MACROH2A1: variants seen among roughly 807,000 people sequenced by gnomAD.
MACROH2A1 encodes macroH2A.1 histone.
Under a neutral mutation model 31.6 loss-of-function variants are expected in MACROH2A1, and 2 were observed. The ratio of observed to expected loss-of-function variants is 0.06; its 90% CI spans 0.03 to 0.20. The LOEUF is 0.20. MACROH2A1 is among the 10% of genes least tolerant of loss of function. MACROH2A1 has a pLI of 1.00. For synonymous variants in MACROH2A1, 169 were observed against 189.6 expected (o/e 0.89, Z 0.89); for missense variants, 230 against 474.0 (o/e 0.49, Z 4.78).
intron 8 of MACROH2A1, among the ~76,000 whole-genome samples, chr5:135,342,257 T>G (rs1760020835): frequency 6.6e-6 from 1 of 152,236 alleles, no homozygotes; most frequent in South Asian, 2.1e-4. Context: ...GAAAGCACTC[T>G]GCCTTCTAAG....
rs770954503 is a variant in MACROH2A1, at chr5:135,389,006, G to T, written c.88C>A (p.Arg30=). Residue 30 remains arginine, a synonymous_variant, in exon 2 of 9, where the codon CGG becomes AGG. Coordinates refer to ENST00000511689, the MANE Select transcript of MACROH2A1 (RefSeq NM_138610.3). ...TTGGGGTGGCCTTTCTTGATGTACC[G>T]CAGCATCCGCCCCACGGGAAAGATG... ...GVIFPVGRML[R]YIKKGHPKYR... The T allele has an allele frequency of 6.2e-7, 1 of 1,613,740 alleles. No homozygotes were observed. The highest frequency in any genetic ancestry group is 1.7e-5 in the Admixed American group (1 of 60,012).
intron 7 of MACROH2A1, 31 bp downstream of exon 7, chr5:135,345,937 C>A: frequency 8.3e-6 from 12 of 1,450,970 alleles, no homozygotes; most frequent in Non-Finnish European, 1.2e-5. Flanking sequence ...TGTGTCACAA[C>A]CAGATAAGCA....
chr5:135,345,890 C>G, intron 7 of MACROH2A1, 78 bp downstream of exon 7: 1 of 937,088 alleles, frequency 1.1e-6, no homozygotes, highest in Non-Finnish European at 1.8e-6. Flanking sequence ...CCTCTGAATT[C>G]TAAGCCCTCT....
intron 2 of MACROH2A1, among the ~76,000 whole-genome samples, chr5:135,380,047 T>C (rs1293702100): frequency 6.6e-6 from 1 of 152,190 alleles, no homozygotes; most frequent in African/African-American, 2.4e-5. Flanking sequence ...CATGTTTCAT[T>C]TAAAAATCCA....
At position 135,334,863 on chromosome 5, in the gene MACROH2A1, G is replaced by A. The variant is rs1056661069; in HGVS notation, c.*113C>T. 1.1e-6 allele frequency: 1 copy of A among 890,422 alleles called. No individual in the cohort carries two copies. The highest frequency in any genetic ancestry group is 1.8e-6 in the Non-Finnish European group (1 of 567,296). 55.2% of individuals were successfully genotyped at this position (890,422 alleles called of 1,614,324 possible). ...CCAAAGCCTTATTTTCCCTAGATGA[G>A]CAAAACTGAAAATGAAAGGGGTCCC... On this transcript the variant is annotated 3_prime_UTR_variant, in exon 9 of 9. Transcript: ENST00000511689.
intron 6 of MACROH2A1, among the ~76,000 whole-genome samples, chr5:135,349,633 C>T (rs1474552992): frequency 2.6e-5 from 4 of 152,096 alleles, no homozygotes; most frequent in Admixed American, 2.0e-4. Context: ...GCATCCAGGA[C>T]GCTTGTGAAA....
chr5:135,369,926 A>G lies in MACROH2A1; in HGVS notation c.279+110T>C. 1 of 709,336 alleles carries G rather than the reference A, an allele frequency of 1.4e-6. No individual in the cohort carries two copies. Among genetic ancestry groups the G allele is most frequent in the East Asian group, 2.7e-5 (1 of 36,944 alleles). 43.9% of individuals were successfully genotyped at this position (709,336 alleles called of 1,614,324 possible). ...CAGAGAAGCTGCTAATTAATCCAAAAGGCAGTCCACACCTTTCATAACCAG... is the reference window on the plus strand; with the variant it reads ...CAGAGAAGCTGCTAATTAATCCAAAGGGCAGTCCACACCTTTCATAACCAG... On this transcript the variant is annotated intron_variant, in intron 3 of 8. Transcript: ENST00000511689. The surrounding 1 kb of genome is among the most constrained non-coding windows in gnomAD (Gnocchi z 4.3).
At chr5:135,337,069 GA>G (rs1247192909) in intron 8 of MACROH2A1, among the ~76,000 whole-genome samples, 2 of 152,222 alleles carry the variant, frequency 1.3e-5, no homozygotes, top group Non-Finnish European at 2.9e-5. Context: ...TTTTGCATGT[GA>G]ATCCCAAGAC....
rs200568775 is a variant in MACROH2A1 at position 135,350,963 on chromosome 5, G to A, written c.688+1983C>T. 1.8e-4 allele frequency: 218 copies of A among 1,233,236 alleles called. No homozygotes were observed. In the African/African-American group the frequency reaches 2.8e-3, roughly 16 times the overall value. 76.4% of individuals were successfully genotyped at this position (1,233,236 alleles called of 1,614,324 possible). On this transcript the variant is annotated intron_variant, in intron 6 of 8. Transcript: ENST00000511689. The stretch of plus-strand genomic sequence containing the variant: ...TCAACTGTGTTGGACCGAGACCCAC[G>A]CACAGGCACATTTACTAATGCCCCA...
rs1338740291 is a variant in MACROH2A1 at position 135,388,974 on chromosome 5, C to T, written c.120G>A (p.Arg40=). 2 of 1,613,622 alleles carry T rather than the reference C, an allele frequency of 1.2e-6. No homozygotes were observed. Among genetic ancestry groups the T allele is most frequent in the Admixed American group, 3.3e-5 (2 of 60,022 alleles). ...RYIKKGHPKY[R]IGVGAPVYMA... is the part of the protein sequence containing the mutation. ...TGTACACGGGTGCCCCCACTCCAAT[C>T]CTGTACTTGGGGTGGCCTTTCTTGA... is the stretch of plus-strand genomic sequence containing the variant. The change falls in exon 2 of 9, where the codon AGG becomes AGA. Residue 40 remains arginine, a synonymous_variant. Transcript: ENST00000511689.
intron 4 of MACROH2A1, 140 bp from the exon 5 acceptor site, chr5:135,360,747 G>A (rs1426639505): frequency 1.4e-6 from 1 of 714,108 alleles, no homozygotes; most frequent in African/African-American, 1.7e-5. Flanking sequence ...TTTCTCCAAG[G>A]GGGAGCTCAG....
At chr5:135,375,520 TG>T (rs1764745120) in intron 2 of MACROH2A1, among the ~76,000 whole-genome samples, 1 of 152,232 alleles carries the variant, frequency 6.6e-6, no homozygotes, top group Non-Finnish European at 1.5e-5. Context: ...TGAAGCATTT[TG>T]TCTATCTTCC....
intron 4 of MACROH2A1, chr5:135,362,108 G>T (rs1762916613): frequency 6.6e-6 from 1 of 152,226 alleles, no homozygotes; most frequent in Non-Finnish European, 1.5e-5. Flanking sequence ...CAGGAGCCAA[G>T]AATAGGAAAG....
intron 5 of MACROH2A1, chr5:135,357,869 T>G: frequency 1.0e-6 from 1 of 985,344 alleles, no homozygotes; most frequent in Non-Finnish European, 1.2e-6. Flanking sequence ...CTCCTAAGCC[T>G]GGGCCATGCT....
intron 5 of MACROH2A1, chr5:135,355,108 C>T: frequency 2.2e-6 from 1 of 456,070 alleles, no homozygotes; most frequent in Non-Finnish European, 4.4e-6. Flanking sequence ...TTGGCGGGCT[C>T]TGCTTCAGCT....
chr5:135,370,227 G>C, intron 2 of MACROH2A1, 85 bp from the exon 3 acceptor site: 2 of 792,228 alleles, frequency 2.5e-6, no homozygotes, highest in Non-Finnish European at 4.1e-6. Context: ...TGCCAGGAAT[G>C]GGCAGAGGCA....
intron 4 of MACROH2A1, among the ~76,000 whole-genome samples, chr5:135,363,740 A>C (rs1763139685): frequency 6.6e-6 from 1 of 152,222 alleles, no homozygotes; most frequent in South Asian, 2.1e-4. Flanking sequence ...TAGATCCTTG[A>C]GGAATCGCCA....
chr5:135,363,733 A>G (rs956245206), intron 4 of MACROH2A1, among the ~76,000 whole-genome samples: 1 of 152,200 alleles, frequency 6.6e-6, no homozygotes, highest in East Asian at 1.9e-4. Flanking sequence ...CTAGTTCTAG[A>G]TCCTTGAGGA....
At chr5:135,345,870 C>T in intron 7 of MACROH2A1, 98 bp downstream of exon 7, 2 of 798,746 alleles carry the variant, frequency 2.5e-6, no homozygotes, top group Non-Finnish European at 2.2e-6. Context: ...TGCGGCTGTG[C>T]TGCCACACAC....
Sources: allele counts gnomAD v4.1 joint callset (sites outside exome capture counted in the v4.1 genomes callset), GRCh38; gene constraint gnomAD v4.1.1; non-coding constraint Gnocchi (gnomAD v3.1); transcripts MANE v1.5; gene names NCBI Gene and HGNC (gene_info 2026-07-23, HGNC 2026-07-21).